Variants in C12orf56 observed in about 807,000 individuals in gnomAD.
C12orf56 encodes uncharacterized protein C12orf56.
A neutral mutation model predicts 69.9 loss-of-function variants in C12orf56; 71 were observed. The observed-to-expected ratio is 1.02, with a 90% CI of 0.84 to 1.24. The LOEUF (loss-of-function observed/expected upper bound fraction) is 1.24. Ranked by LOEUF, C12orf56 falls within the 50% of genes most tolerant of loss-of-function variation. The pLI is 0.00. For synonymous variants in C12orf56, 276 were observed against 274.1 expected (o/e 1.01, Z -0.07); for missense variants, 732 against 738.5 (o/e 0.99, Z 0.10).
chr12:64,310,501 T>C (rs184447937), intron 5 of C12orf56, among the ~76,000 whole-genome samples: 43 of 152,304 alleles, frequency 2.8e-4, no homozygotes, highest in African/African-American at 8.9e-4. Context: ...TTACGGTTCA[T>C]GGAGGAAAGG....
intron 6 of C12orf56, among the ~76,000 whole-genome samples, chr12:64,301,429 G>C (rs1463101323): frequency 6.6e-6 from 1 of 152,056 alleles, no homozygotes; most frequent in Non-Finnish European, 1.5e-5. Flanking sequence ...CAGTCTGAAG[G>C]AACTCCCCAA....
Position 64,307,393 on chromosome 12 carries a change from G to A in C12orf56, c.969-3614C>T, listed in dbSNP as rs1297371102. Among the ~76,000 whole-genome samples, 9 of 85,334 alleles carry A rather than the reference G, an allele frequency of 1.1e-4. No homozygotes were observed. The South Asian group carries it at 1.4e-3, about 14-fold the overall frequency. 56.0% of individuals were successfully genotyped at this position (85,334 alleles called of 152,430 possible). The stretch of plus-strand genomic sequence containing the variant: ...CTTTTTTTTTTTTTTTTTTTGAGAC[G>A]GAGTCTTGCTCTGTCACCCAGGCTG... On this transcript the variant is annotated intron_variant, in intron 5 of 12. Coordinates refer to ENST00000543942, the MANE Select transcript of C12orf56 (RefSeq NM_001170633.2).
chr12:64,349,609 C>T lies in C12orf56; in HGVS notation c.415+3285G>A, dbSNP rs148253795. ...ACAATTGCAAAATTGCGGAACCAACCCAAATGCCCATCAATCAATGAGTGG... is the reference window on the plus strand; with the variant it reads ...ACAATTGCAAAATTGCGGAACCAACTCAAATGCCCATCAATCAATGAGTGG... On this transcript the variant is annotated intron_variant, in intron 2 of 12. Coordinates refer to ENST00000543942, the MANE Select transcript of C12orf56 (RefSeq NM_001170633.2). Among the ~76,000 whole-genome samples the T allele has an allele frequency of 3.9e-3, 588 of 152,264 alleles. 2 individuals carry two copies. The highest frequency in any genetic ancestry group is 6.1e-3 in the Non-Finnish European group (417 of 68,006).
intron 2 of C12orf56, among the ~76,000 whole-genome samples, chr12:64,331,867 GTTATTCTGTCT>G (rs1231368626): frequency 1.3e-5 from 2 of 151,262 alleles, no homozygotes; most frequent in African/African-American, 4.9e-5. Context: ...GTGGTCCGCT[GTTATTCTGTCT>G]TTCCAGCCTC....
chr12:64,356,688 T>C (rs892463167), intron 1 of C12orf56, among the ~76,000 whole-genome samples: 1 of 152,132 alleles, frequency 6.6e-6, no homozygotes, highest in African/African-American at 2.4e-5. Context: ...GGGGAACAGA[T>C]GTGAACTACT....
At chr12:64,341,460 C>T (rs2136884793) in intron 2 of C12orf56, among the ~76,000 whole-genome samples, 1 of 152,284 alleles carries the variant, frequency 6.6e-6, no homozygotes, top group East Asian at 1.9e-4. Context: ...CTTCAAAAGG[C>T]CATCCCACCA....
intron 4 of C12orf56, among the ~76,000 whole-genome samples, chr12:64,317,654 G>A (rs1255410978): frequency 9.2e-5 from 14 of 152,038 alleles, no homozygotes; most frequent in Admixed American, 6.6e-4. Flanking sequence ...CAGCTACTCA[G>A]GAGGCTGAGG....
chr12:64,370,020 A>C, intron 1 of C12orf56, among the ~76,000 whole-genome samples: 1 of 150,782 alleles, frequency 6.6e-6, no homozygotes, highest in East Asian at 2.0e-4. Flanking sequence ...AATAATCCAA[A>C]CTAGAGTGTT....
At chr12:64,283,007 T>G (rs750395950) in intron 8 of C12orf56, among the ~76,000 whole-genome samples, 1 of 151,482 alleles carries the variant, frequency 6.6e-6, no homozygotes, top group African/African-American at 2.4e-5. Flanking sequence ...CCGGGCATGG[T>G]GGTGCACGCC....
intron 12 of C12orf56, among the ~76,000 whole-genome samples, chr12:64,270,073 C>T (rs994041626): frequency 6.6e-6 from 1 of 151,978 alleles, no homozygotes; most frequent in African/African-American, 2.4e-5. Flanking sequence ...AAAATCCTAC[C>T]ATTTTCACAG....
intron 12 of C12orf56, chr12:64,267,515 C>T (rs2037931375): frequency 1.9e-6 from 1 of 536,920 alleles, no homozygotes; most frequent in Non-Finnish European, 3.3e-6. Flanking sequence ...CCTAGAAAAT[C>T]TCTGACATGT....
intron 8 of C12orf56, among the ~76,000 whole-genome samples, chr12:64,280,888 G>T (rs1172075209): frequency 6.6e-6 from 1 of 152,174 alleles, no homozygotes; most frequent in Non-Finnish European, 1.5e-5. Context: ...GCTGTGCCCA[G>T]ATTTCTGATC....
At chr12:64,375,038 T>C (rs2039622707) in intron 1 of C12orf56, among the ~76,000 whole-genome samples, 1 of 152,042 alleles carries the variant, frequency 6.6e-6, no homozygotes, top group Non-Finnish European at 1.5e-5. Flanking sequence ...AATGACTTAT[T>C]ACTTGCTGTT....
At chr12:64,380,125 A>ACAAAC (rs1565783091) in intron 1 of C12orf56, among the ~76,000 whole-genome samples, 11 of 55,932 alleles carry the variant, frequency 2.0e-4, no homozygotes, top group African/African-American at 5.1e-4. Context: ...AAAAAAAAAA[A>ACAAAC]AAAAAAAAAC....
intron 4 of C12orf56, among the ~76,000 whole-genome samples, chr12:64,317,816 A>G (rs899173010): frequency 6.6e-6 from 1 of 152,130 alleles, no homozygotes; most frequent in Non-Finnish European, 1.5e-5. Flanking sequence ...ATAAGGACTT[A>G]ACCTAGTGAT....
At chr12:64,348,019 C>G (rs983500218) in intron 2 of C12orf56, among the ~76,000 whole-genome samples, 2 of 152,148 alleles carry the variant, frequency 1.3e-5, no homozygotes, top group Non-Finnish European at 2.9e-5. Context: ...TGGCTCATGC[C>G]TGTAATCCTA....
intron 6 of C12orf56, among the ~76,000 whole-genome samples, chr12:64,293,799 AAG>A (rs950006346): frequency 6.6e-6 from 1 of 152,212 alleles, no homozygotes; most frequent in Non-Finnish European, 1.5e-5. Context: ...GTGCAGTGCT[AAG>A]AGAGGCAAAA....
chr12:64,275,348 T>C lies in C12orf56; in HGVS notation c.1459A>G (p.Thr487Ala), dbSNP rs1385655558. The C allele has an allele frequency of 2.8e-6, 4 of 1,436,794 alleles. No homozygotes were observed. In the East Asian group the frequency reaches 1.0e-4, roughly 37 times the overall value. 89.0% of individuals were successfully genotyped at this position (1,436,794 alleles called of 1,614,324 possible). The change falls in exon 10 of 13, where the codon ACA becomes GCA. Residue 487 changes from threonine to alanine, a missense_variant. By Grantham distance (58) the Thr-to-Ala change is moderately conservative. Coordinates refer to ENST00000543942, the MANE Select transcript of C12orf56 (RefSeq NM_001170633.2). The stretch of plus-strand genomic sequence containing the variant: ...TATAAAAGTGCTGTAGCAGTATTTG[T>C]ATACTCCAGAATAAGCTTCTGTAAC... ...AELQKLILEY[T>A]NTATALLYEI...
chr12:64,271,928 C>T (rs1481541490), intron 11 of C12orf56, among the ~76,000 whole-genome samples: 3 of 152,086 alleles, frequency 2.0e-5, no homozygotes, highest in Admixed American at 6.6e-5. Flanking sequence ...TTGTTTCTGC[C>T]CATACTGTTT....
Sources: allele counts gnomAD v4.1 joint callset (sites outside exome capture counted in the v4.1 genomes callset), GRCh38; gene constraint gnomAD v4.1.1; transcripts MANE v1.5; gene names NCBI Gene and HGNC (gene_info 2026-07-23, HGNC 2026-07-21).